PCDHGA1: variants seen among roughly 807,000 people sequenced by gnomAD.
The protein encoded by PCDHGA1 is protocadherin gamma-A1.
Under a neutral mutation model 58.0 loss-of-function variants are expected in PCDHGA1, and 32 were observed. The observed-to-expected ratio is 0.55, with a 90% CI of 0.42 to 0.74. The LOEUF is 0.74. Among genes scored for constraint, PCDHGA1 ranks in the 30% least tolerant of loss-of-function variants. The pLI, the probability that PCDHGA1 is intolerant of heterozygous loss-of-function variation, is 0.00. For synonymous variants in PCDHGA1, 498 were observed against 501.1 expected (o/e 0.99, Z 0.08); for missense variants, 1,205 against 1,182.3 (o/e 1.02, Z -0.28).
At chr5:141,399,854 GC>G (rs1416380474) in intron 1 of PCDHGA1, 1 of 1,612,786 alleles carries the variant, frequency 6.2e-7, no homozygotes, top group Admixed American at 1.7e-5. Context: ...ATGGTGCCGC[GC>G]GCTGCAGAGC....
At chr5:141,394,717 G>A (rs1403492553) in intron 1 of PCDHGA1, 1 of 1,613,320 alleles carries the variant, frequency 6.2e-7, no homozygotes, top group East Asian at 2.2e-5. Flanking sequence ...CTGCTGGACA[G>A]AGATGCGCTC....
At chr5:141,384,648 G>A in intron 1 of PCDHGA1, 1 of 1,614,238 alleles carries the variant, frequency 6.2e-7, no homozygotes, top group Middle Eastern at 1.6e-4. Flanking sequence ...GCTCCGCAGA[G>A]CCCGGCTACC....
intron 1 of PCDHGA1, chr5:141,419,682 T>C (rs758536078): frequency 6.2e-7 from 1 of 1,612,950 alleles, no homozygotes; most frequent in Non-Finnish European, 8.5e-7. Flanking sequence ...TCCTACCACG[T>C]GGTGCAGGCC....
rs751034521 is a variant in PCDHGA1, at chr5:141,405,112, C to A, written c.2421+72007C>A. ...TGGCCCTCAGGCTGAGGCACTGGCA[C>A]TCCTCGCATCTGCTGCGGGCTACCA... On this transcript the variant is annotated intron_variant, in intron 1 of 3. Coordinates refer to ENST00000517417, the MANE Select transcript of PCDHGA1 (RefSeq NM_018912.3). 4.5e-5 allele frequency: 73 copies of A among 1,613,868 alleles called. 1 individual carries two copies. The Middle Eastern group carries it at 5.9e-3, about 131-fold the overall frequency.
intron 1 of PCDHGA1, among the ~76,000 whole-genome samples, chr5:141,387,483 C>G (rs771352001): frequency 6.6e-6 from 1 of 152,204 alleles, no homozygotes; most frequent in Non-Finnish European, 1.5e-5. Flanking sequence ...GGGATGAAGG[C>G]ATTCCTAAGA....
intron 1 of PCDHGA1, chr5:141,413,089 C>T: frequency 7.1e-7 from 1 of 1,401,124 alleles, no homozygotes; most frequent in Non-Finnish European, 9.7e-7. Context: ...TACAGAGACA[C>T]CCTGAAGCCA....
chr5:141,498,254 G>A (rs550611179), intron 2 of PCDHGA1, among the ~76,000 whole-genome samples: 2 of 152,338 alleles, frequency 1.3e-5, no homozygotes, highest in East Asian at 3.9e-4. Context: ...AGCAGGGCTG[G>A]TGTTGAGTTC....
At position 141,476,402 on chromosome 5, in the gene PCDHGA1, G is replaced by A. The variant is rs775511298; in HGVS notation, c.2422-18405G>A. The stretch of plus-strand genomic sequence containing the variant: ...TGTGAACGACCGTCTGGATCGAGAG[G>A]AGCTGTGTGGGACACTGCCCTCTTG... On this transcript the variant is annotated intron_variant, in intron 1 of 3. Coordinates refer to ENST00000517417, the MANE Select transcript of PCDHGA1 (RefSeq NM_018912.3). This position sits in a 1 kb window ranked among gnomAD's most constrained non-coding sequence, Gnocchi z 7.6. 9 of 1,613,992 alleles carry A rather than the reference G, an allele frequency of 5.6e-6. No individual in the cohort carries two copies. Among genetic ancestry groups the A allele is most frequent in the African/African-American group, 1.3e-5 (1 of 74,904 alleles).
chr5:141,429,638 A>G (rs2097231013), intron 1 of PCDHGA1, among the ~76,000 whole-genome samples: 1 of 152,238 alleles, frequency 6.6e-6, no homozygotes, highest in African/African-American at 2.4e-5. Flanking sequence ...ACAGCTACCT[A>G]TATATTTCTT....
At chr5:141,430,115 A>G (rs930805574) in intron 1 of PCDHGA1, among the ~76,000 whole-genome samples, 1 of 152,194 alleles carries the variant, frequency 6.6e-6, no homozygotes, top group Non-Finnish European at 1.5e-5. Context: ...CATGTCAACA[A>G]CCTGGTAAAG....
chr5:141,432,945 G>A lies in PCDHGA1; in HGVS notation c.2422-61862G>A, dbSNP rs761055026. On this transcript the variant is annotated intron_variant, in intron 1 of 3. Transcript: ENST00000517417. This position sits in a 1 kb window ranked among gnomAD's most constrained non-coding sequence, Gnocchi z 6.0. ...AAGTCACGCCTGCTGCAGGCTTCAGGAGGCGGCTTGACAGGAGCGCCGGCG... is the reference window on the plus strand; with the variant it reads ...AAGTCACGCCTGCTGCAGGCTTCAGAAGGCGGCTTGACAGGAGCGCCGGCG... 3 of 1,614,218 alleles carry A rather than the reference G, an allele frequency of 1.9e-6. No individual in the cohort carries two copies. The highest frequency in any genetic ancestry group is 2.5e-6 in the Non-Finnish European group (3 of 1,180,058).
chr5:141,477,066 T>C lies in PCDHGA1; in HGVS notation c.2422-17741T>C. ...CGGCTGGACTTCGAGGACACCAAAC[T>C]CCATGAGATTTACATCCAGGCCAAA... On this transcript the variant is annotated intron_variant, in intron 1 of 3. Coordinates refer to ENST00000517417, the MANE Select transcript of PCDHGA1 (RefSeq NM_018912.3). This position sits in a 1 kb window ranked among gnomAD's most constrained non-coding sequence, Gnocchi z 4.9. 6.2e-7 allele frequency: 1 copy of C among 1,614,148 alleles called. No homozygotes were observed. The highest frequency in any genetic ancestry group is 8.5e-7 in the Non-Finnish European group (1 of 1,180,028).
intron 1 of PCDHGA1, chr5:141,371,392 T>A (rs1767716213): frequency 6.2e-7 from 1 of 1,613,846 alleles, no homozygotes; most frequent in African/African-American, 1.3e-5. Flanking sequence ...TATTGTAAAG[T>A]ACAGATAGAT....
At chr5:141,372,318 C>T (rs1768657000) in intron 1 of PCDHGA1, 2 of 1,613,632 alleles carry the variant, frequency 1.2e-6, no homozygotes, top group Non-Finnish European at 1.7e-6. Context: ...CCGCCAGCGC[C>T]TGCTGGTCAC....
At chr5:141,356,994 A>G (rs1760422746) in intron 1 of PCDHGA1, 1 of 1,614,140 alleles carries the variant, frequency 6.2e-7, no homozygotes, top group Admixed American at 1.7e-5. Flanking sequence ...ACAGAGACTC[A>G]GGTCAGAATG....
Position 141,376,289 on chromosome 5 carries a change from C to G in PCDHGA1, c.2421+43184C>G, listed in dbSNP as rs778496260. 2.5e-6 allele frequency: 4 copies of G among 1,614,176 alleles called. No individual in the cohort carries two copies. Among genetic ancestry groups the G allele is most frequent in the African/African-American group, 2.7e-5 (2 of 75,056 alleles). ...TTCGGGAGGTGGCTTAGCGAGCATG[C>G]CCGGCTCGCACTTTGTGGGCGTGGA... On this transcript the variant is annotated intron_variant, in intron 1 of 3. Coordinates refer to ENST00000517417, the MANE Select transcript of PCDHGA1 (RefSeq NM_018912.3).
chr5:141,365,014 C>T (rs1763677567), intron 1 of PCDHGA1: 1 of 1,613,924 alleles, frequency 6.2e-7, no homozygotes, highest in African/African-American at 1.3e-5. Flanking sequence ...CCACGCACAT[C>T]CGTGTTACGG....
rs115565444 is a variant in PCDHGA1 at position 141,487,520 on chromosome 5, G to C, written c.2422-7287G>C. 1 of 1,614,166 alleles carries C rather than the reference G, an allele frequency of 6.2e-7. No individual in the cohort carries two copies. Among genetic ancestry groups the C allele is most frequent in the Non-Finnish European group, 8.5e-7 (1 of 1,180,042 alleles). ...CTTGGCTTCTGCACCCACTCGGAGT[G>C]ATAGCTTCATGATGGTGAAGTCACC... On this transcript the variant is annotated intron_variant, in intron 1 of 3. Coordinates refer to ENST00000517417, the MANE Select transcript of PCDHGA1 (RefSeq NM_018912.3). The surrounding 1 kb of genome is among the most constrained non-coding windows in gnomAD (Gnocchi z 5.0).
intron 1 of PCDHGA1, chr5:141,365,077 G>A: frequency 6.2e-7 from 1 of 1,613,842 alleles, no homozygotes; most frequent in African/African-American, 1.3e-5. Context: ...AGTACAGCGT[G>A]AGTGTTCCAG....
Sources: gnomAD v4.1 joint callset for allele counts (sites outside exome capture counted in the v4.1 genomes callset) on GRCh38, gnomAD v4.1.1 for gene constraint, Gnocchi (gnomAD v3.1) non-coding constraint, MANE v1.5 for transcripts, NCBI Gene and HGNC (gene_info 2026-07-23, HGNC 2026-07-21) for gene names.